The following RBKS variants were observed in gnomAD, a reference collection of about 807,000 sequenced individuals.
The protein encoded by RBKS is ribokinase.
Under a neutral mutation model 33.9 loss-of-function variants are expected in RBKS, and 33 were observed. The observed-to-expected ratio is 0.97, with a 90% CI of 0.74 to 1.30. RBKS has a LOEUF of 1.30. Among genes scored for constraint, RBKS ranks in the 50% most tolerant of loss-of-function variants. The pLI is 0.00. For missense variants in RBKS, 361 were observed against 392.6 expected, an observed-to-expected ratio of 0.92 and a Z score of 0.68; for synonymous variants, 125 against 143.0, an observed-to-expected ratio of 0.87 and a Z score of 0.90.
intron 6 of RBKS, among the ~76,000 whole-genome samples, chr2:27,831,076 C>A (rs967648169): frequency 6.6e-6 from 1 of 152,164 alleles, no homozygotes; most frequent in South Asian, 2.1e-4. Flanking sequence ...TCAGCCTTTG[C>A]GTCTTCCAAC....
chr2:27,825,540 C>T (rs576593484), intron 7 of RBKS, among the ~76,000 whole-genome samples: 11 of 152,178 alleles, frequency 7.2e-5, no homozygotes, highest in African/African-American at 1.2e-4. Flanking sequence ...CTACTGTTTT[C>T]TTGTCAGCAT....
At chr2:27,878,766 T>C (rs1664366180) in intron 1 of RBKS, among the ~76,000 whole-genome samples, 1 of 152,250 alleles carries the variant, frequency 6.6e-6, no homozygotes, top group Non-Finnish European at 1.5e-5. Flanking sequence ...TTGATTTGCA[T>C]TTCTCTGATG....
At chr2:27,831,404 A>G (rs1367182157) in intron 6 of RBKS, among the ~76,000 whole-genome samples, 1 of 152,110 alleles carries the variant, frequency 6.6e-6, no homozygotes, top group Non-Finnish European at 1.5e-5. Flanking sequence ...CTAGCAGGAA[A>G]ATTTAGGCCA....
At chr2:27,867,596 A>G (rs1382838991) in intron 1 of RBKS, among the ~76,000 whole-genome samples, 1 of 152,220 alleles carries the variant, frequency 6.6e-6, no homozygotes, top group Non-Finnish European at 1.5e-5. Context: ...ATCACTCAAA[A>G]TATTAAACAT....
At chr2:27,846,923 C>T in intron 4 of RBKS, 119 bp downstream of exon 4, 1 of 628,688 alleles carries the variant, frequency 1.6e-6, no homozygotes, top group Non-Finnish European at 2.9e-6. Flanking sequence ...ATGTTTTAGG[C>T]CTTGGAGTGA....
rs1324122317 is a variant in RBKS, at chr2:27,796,676, G to A, written c.796-14888C>T. 2.6e-5 allele frequency among the ~76,000 whole-genome samples: 4 copies of A among 152,138 alleles called. No individual in the cohort carries two copies. In the East Asian group the frequency reaches 7.7e-4, roughly 29 times the overall value. On this transcript the variant is annotated intron_variant, in intron 7 of 7. Transcript: ENST00000302188. ...GGTGGGAGGGGTGCCGGTGGGGAGG[G>A]TTGAGGATTTAGCAGGGCTGGTGAG...
intron 4 of RBKS, among the ~76,000 whole-genome samples, chr2:27,845,070 A>G (rs1663597219): frequency 1.3e-5 from 2 of 152,212 alleles, no homozygotes; most frequent in Non-Finnish European, 2.9e-5. Flanking sequence ...AGAAAAATTC[A>G]AAGTTCCCAC....
intron 6 of RBKS, among the ~76,000 whole-genome samples, chr2:27,831,149 T>C (rs949658625): frequency 1.3e-5 from 2 of 152,104 alleles, no homozygotes; most frequent in Admixed American, 6.5e-5. Context: ...ATTCCTGACA[T>C]GCAAAAACTG....
intron 1 of RBKS, among the ~76,000 whole-genome samples, chr2:27,859,906 A>G (rs1248037061): frequency 6.6e-6 from 1 of 152,230 alleles, no homozygotes; most frequent in Non-Finnish European, 1.5e-5. Flanking sequence ...GGGATGACAT[A>G]TAACTGATGC....
chr2:27,819,960 C>CT (rs1678165948), intron 7 of RBKS, among the ~76,000 whole-genome samples: 1 of 152,178 alleles, frequency 6.6e-6, no homozygotes. Context: ...TAATGGAGAT[C>CT]TAAGTTTTTG....
intron 5 of RBKS, among the ~76,000 whole-genome samples, chr2:27,835,100 ACT>A (rs1382330521): frequency 6.6e-6 from 1 of 151,914 alleles, no homozygotes; most frequent in Middle Eastern, 3.2e-3. Context: ...ACATGGTGAA[ACT>A]CTGTCTTCAC....
At position 27,781,717 on chromosome 2, in the gene RBKS, G is replaced by T. The variant is rs746358551; in HGVS notation, c.867C>A (p.Asp289Glu). Residue 289 changes from aspartate to glutamate, a missense_variant, in exon 8 of 8, where the codon GAC becomes GAA. Coordinates refer to ENST00000302188, the MANE Select transcript of RBKS (RefSeq NM_022128.3). The stretch of plus-strand genomic sequence containing the variant: ...CAATGAAATTGGATCTGTTGAGCAT[G>T]TCTTCCAAGGACAGATTTGGATAGT... ...LAYYPNLSLE[D>E]MLNRSNFIAA... 2 of 1,614,090 alleles carry T rather than the reference G, an allele frequency of 1.2e-6. No homozygotes were observed. Among genetic ancestry groups the T allele is most frequent in the Non-Finnish European group, 1.7e-6 (2 of 1,179,984 alleles).
At position 27,890,363 on chromosome 2, in the gene RBKS, G is replaced by A. The variant is rs1181786670; in HGVS notation, c.-18C>T. The A allele has an allele frequency of 1.2e-6, 2 of 1,610,120 alleles. No individual in the cohort carries two copies. Among genetic ancestry groups the A allele is most frequent in the African/African-American group, 1.3e-5 (1 of 74,824 alleles). ...GCCGCCATCGCTCAAAGGTGCTGCT[G>A]TCCAACCTGGACGGTGACCTCTGCC... On this transcript the variant is annotated 5_prime_UTR_variant, in exon 1 of 8. Coordinates refer to ENST00000302188, the MANE Select transcript of RBKS (RefSeq NM_022128.3). The surrounding 1 kb of genome is among the most constrained non-coding windows in gnomAD (Gnocchi z 4.8).
intron 7 of RBKS, among the ~76,000 whole-genome samples, chr2:27,825,568 G>A (rs1454159095): frequency 6.6e-6 from 1 of 152,168 alleles, no homozygotes; most frequent in Non-Finnish European, 1.5e-5. Flanking sequence ...CCTATCCTCT[G>A]ATAAGAGTGA....
At chr2:27,816,295 G>A (rs1474801985) in intron 7 of RBKS, among the ~76,000 whole-genome samples, 1 of 152,206 alleles carries the variant, frequency 6.6e-6, no homozygotes, top group Non-Finnish European at 1.5e-5. Flanking sequence ...ATGTAATAGA[G>A]CTAATATGGC....
chr2:27,840,241 C>T (rs1299616133), intron 5 of RBKS, among the ~76,000 whole-genome samples: 11 of 151,242 alleles, frequency 7.3e-5, no homozygotes, highest in Admixed American at 2.0e-4. Flanking sequence ...AGGATGGTCT[C>T]GATCTCTTGA....
At chr2:27,877,298 C>A (rs957366585) in intron 1 of RBKS, among the ~76,000 whole-genome samples, 1 of 151,186 alleles carries the variant, frequency 6.6e-6, no homozygotes, top group African/African-American at 2.4e-5. Context: ...TTTTTTTTTC[C>A]CCTAAGAATG....
chr2:27,883,392 G>A (rs549358318), intron 1 of RBKS, among the ~76,000 whole-genome samples: 1 of 152,140 alleles, frequency 6.6e-6, no homozygotes, highest in East Asian at 1.9e-4. Flanking sequence ...GTAGAGATGG[G>A]GTTTCACCGT....
intron 2 of RBKS, among the ~76,000 whole-genome samples, chr2:27,851,444 G>C (rs1405931929): frequency 6.6e-6 from 1 of 152,092 alleles, no homozygotes; most frequent in East Asian, 1.9e-4. Context: ...AAGCTTACTG[G>C]AGATTCTTTA....
Sources: gnomAD v4.1 joint callset for allele counts (sites outside exome capture counted in the v4.1 genomes callset) on GRCh38, gnomAD v4.1.1 for gene constraint, Gnocchi (gnomAD v3.1) non-coding constraint, MANE v1.5 for transcripts, NCBI Gene and HGNC (gene_info 2026-07-23, HGNC 2026-07-21) for gene names.